The following NFATC3 variants were observed in gnomAD, a reference collection of about 807,000 sequenced individuals.
NFATC3 encodes the protein nuclear factor of activated T cells 3.
NFATC3 carries 46 observed loss-of-function variants against 98.6 expected under a neutral mutation model. That is an observed-to-expected ratio of 0.47 (90% CI 0.37 to 0.60). NFATC3 has a LOEUF of 0.60. Among genes scored for constraint, NFATC3 ranks in the 20% least tolerant of loss-of-function variants. The probability of loss-of-function intolerance (pLI) is 0.00; values close to 1 mark genes in which losing one functional copy is unlikely to be tolerated. For synonymous variants in NFATC3, 512 were observed against 472.2 expected (o/e 1.08, Z -1.09); for missense variants, 1,256 against 1,295.5 (o/e 0.97, Z 0.47).
In NFATC3 at chr16:68,186,396, C is replaced by T. The variant is rs553445459; in HGVS notation, c.2098+3030C>T. Among the ~76,000 whole-genome samples the T allele has an allele frequency of 5.9e-5, 9 of 152,068 alleles. No homozygotes were observed. In the East Asian group the frequency reaches 1.5e-3, roughly 26 times the overall value. On this transcript the variant is annotated intron_variant, in intron 8 of 9. Transcript: ENST00000346183. ...CTACTAAAAATACAAAAAAATGAGC[C>T]GGGCGTGGTGTCGTGAGCCTGTAGT...
At chr16:68,224,690 A>G (rs547445212) in intron 9 of NFATC3, 1 of 149,552 alleles carries the variant, frequency 6.7e-6, no homozygotes, top group Admixed American at 6.7e-5. Flanking sequence ...CAACTGAATT[A>G]GTAAATATTA....
chr16:68,135,422 C>T (rs1287586074), intron 3 of NFATC3, among the ~76,000 whole-genome samples: 2 of 137,322 alleles, frequency 1.5e-5, no homozygotes, highest in African/African-American at 5.6e-5. Flanking sequence ...TGCGCCGCTG[C>T]ACTCCAACCT....
At chr16:68,221,383 A>T in intron 9 of NFATC3, 1 of 1,523,384 alleles carries the variant, frequency 6.6e-7, no homozygotes, top group Non-Finnish European at 8.8e-7. Context: ...GTTATTGCTA[A>T]AGGTCTGTGA....
At chr16:68,195,852 G>A (rs941219461) in intron 9 of NFATC3, among the ~76,000 whole-genome samples, 5 of 152,132 alleles carry the variant, frequency 3.3e-5, no homozygotes, top group African/African-American at 1.2e-4. Context: ...AAACTGAAAC[G>A]CACTCTTTTT....
chr16:68,108,686 A>G lies in NFATC3; in HGVS notation c.104-13301A>G, dbSNP rs903138630. On this transcript the variant is annotated intron_variant, in intron 1 of 9. Transcript: ENST00000346183. ...TTTGGGCAGTGTGGCTGTTTTCACA[A>G]TATTGATTCTTCCTATCCATGAGCA... Among the ~76,000 whole-genome samples, 4 of 152,296 alleles carry G rather than the reference A, an allele frequency of 2.6e-5. No individual in the cohort carries two copies. In the East Asian group the frequency reaches 5.8e-4, roughly 22 times the overall value.
intron 1 of NFATC3, among the ~76,000 whole-genome samples, chr16:68,086,347 A>G (rs1428262194): frequency 6.6e-6 from 1 of 152,104 alleles, no homozygotes; most frequent in East Asian, 1.9e-4. Flanking sequence ...TTTTCTGGAA[A>G]CTGGATTTCC....
In NFATC3 at chr16:68,191,238, T is replaced by G. The variant is rs759805908; in HGVS notation, c.2569T>G (p.Ser857Ala). 2 of 1,614,168 alleles carry G rather than the reference T, an allele frequency of 1.2e-6. No individual in the cohort carries two copies. Among genetic ancestry groups the G allele is most frequent in the South Asian group, 2.2e-5 (2 of 91,082 alleles). Reference protein sequence around the residue: ...QPLSSIPFHSSNSGSTGHLLA... With the variant: ...QPLSSIPFHSANSGSTGHLLA... ...ACTGTCATCCATACCATTTCATTCT[T>G]CAAATTCAGGCTCAACAGGACATCT... The change falls in exon 9 of 10, where the codon TCA (serine) becomes GCA (alanine). Residue 857 changes from serine to alanine, a missense_variant. By Grantham distance (99) the Ser-to-Ala change is moderately conservative. This residue lies in a region of NFATC3 where 636 missense variants were observed against 617.3 expected (regional missense o/e 1.03). Transcript: ENST00000346183.
intron 8 of NFATC3, among the ~76,000 whole-genome samples, chr16:68,189,927 C>T (rs1050898786): frequency 1.3e-5 from 2 of 152,024 alleles, no homozygotes; most frequent in African/African-American, 4.8e-5. Flanking sequence ...CATGGTGGCG[C>T]ACGCCTGTAT....
At position 68,122,524 on chromosome 16, in the gene NFATC3, G is replaced by T; in HGVS notation, c.641G>T (p.Gly214Val). ...GGATCCCCTCTGACTTCTCCTGGTG[G>T]CTCTCCAGGGGGCTGCCCTGGAGAA... ...TLGSPLTSPG[G>V]SPGGCPGEET... Residue 214 changes from glycine to valine, a missense_variant, in exon 2 of 10, where the codon GGC becomes GTC. Coordinates refer to ENST00000346183, the MANE Select transcript of NFATC3 (RefSeq NM_173165.3). The T allele has an allele frequency of 6.2e-7, 1 of 1,614,100 alleles. No individual in the cohort carries two copies. Among genetic ancestry groups the T allele is most frequent in the Non-Finnish European group, 8.5e-7 (1 of 1,180,010 alleles).
chr16:68,177,361 A>G (rs559807886), intron 6 of NFATC3, among the ~76,000 whole-genome samples: 2 of 151,584 alleles, frequency 1.3e-5, no homozygotes, highest in Non-Finnish European at 2.9e-5. Context: ...GGTCATATAT[A>G]TTTTTCTAGG....
chr16:68,127,018 G>C (rs1387154662), intron 3 of NFATC3, among the ~76,000 whole-genome samples: 1 of 152,102 alleles, frequency 6.6e-6, no homozygotes, highest in Non-Finnish European at 1.5e-5. Context: ...TTCGAGACCA[G>C]CCTGGCCAAC....
intron 8 of NFATC3, among the ~76,000 whole-genome samples, chr16:68,188,006 G>T (rs746858194): frequency 1.6e-4 from 24 of 152,248 alleles, no homozygotes; most frequent in East Asian, 1.4e-3. Context: ...GCTGCCCTCA[G>T]CCCTACCTCG....
chr16:68,120,518 G>T (rs1319348430), intron 1 of NFATC3, among the ~76,000 whole-genome samples: 1 of 150,386 alleles, frequency 6.6e-6, no homozygotes, highest in Non-Finnish European at 1.5e-5. Flanking sequence ...GGCAGAGGTT[G>T]CAGTGAGCCA....
At chr16:68,189,563 G>A (rs1452106959) in intron 8 of NFATC3, 1 of 152,096 alleles carries the variant, frequency 6.6e-6, no homozygotes. Context: ...TATGACTCAA[G>A]GACATTTTTT....
Position 68,189,987 on chromosome 16 carries a change from C to T in NFATC3, c.2099-781C>T, listed in dbSNP as rs183929078. ...GGGAGGATCCCTTGTTGCAGTACGC[C>T]GAGATTGCACGATGGCACTCCAGCC... On this transcript the variant is annotated intron_variant, in intron 8 of 9. Transcript: ENST00000346183. Among the ~76,000 whole-genome samples the T allele has an allele frequency of 4.5e-4, 68 of 152,154 alleles. No homozygotes were observed. The East Asian group carries it at 0.012, about 26-fold the overall frequency.
intron 1 of NFATC3, 28 bp from the exon 2 acceptor site, chr16:68,121,959 T>G (rs2036605846): frequency 2.2e-6 from 2 of 893,050 alleles, no homozygotes; most frequent in Non-Finnish European, 3.0e-6. Flanking sequence ...TTTGTTGGGT[T>G]TTTTTTTTTT....
chr16:68,226,198 T>C (rs977869884), intron 9 of NFATC3, 152 bp from the exon 10 acceptor site: 1 of 800,708 alleles, frequency 1.2e-6, no homozygotes, highest in Non-Finnish European at 1.8e-6. Context: ...CCATCTCTAA[T>C]GCCACTCAGC....
chr16:68,127,832 T>G (rs991262574), intron 3 of NFATC3, among the ~76,000 whole-genome samples: 11 of 152,180 alleles, frequency 7.2e-5, no homozygotes, highest in African/African-American at 2.2e-4. Flanking sequence ...ATTGTCTGTC[T>G]TAAACTTCCT....
intron 2 of NFATC3, among the ~76,000 whole-genome samples, chr16:68,125,011 G>C (rs1240087341): frequency 6.6e-6 from 1 of 152,102 alleles, no homozygotes; most frequent in African/African-American, 2.4e-5. Flanking sequence ...GATTACAGGC[G>C]TGAGCCACTG....
Sources: allele counts gnomAD v4.1 joint callset (sites outside exome capture counted in the v4.1 genomes callset), GRCh38; gene constraint gnomAD v4.1.1; regional missense constraint gnomAD v4.1.1; transcripts MANE v1.5; gene names NCBI Gene and HGNC (gene_info 2026-07-23, HGNC 2026-07-21).